Variants in KCNB2 observed in about 807,000 individuals in gnomAD.
KCNB2 encodes the protein delayed rectifier potassium channel protein.
In KCNB2, 15 loss-of-function variants were observed where a neutral mutation model predicts 61.5. The ratio of observed to expected loss-of-function variants is 0.24; its 90% CI spans 0.16 to 0.38. The LOEUF (loss-of-function observed/expected upper bound fraction) is 0.38. Ranked by LOEUF, KCNB2 falls within the 10% of genes least tolerant of loss-of-function variation. KCNB2 has a pLI of 1.00. For synonymous variants in KCNB2, 457 were observed against 446.0 expected, an observed-to-expected ratio of 1.02 and a Z score of -0.31; for missense variants, 828 against 1,125.2, an observed-to-expected ratio of 0.74 and a Z score of 3.78.
At chr8:72,807,281 G>A (rs1315407187) in intron 2 of KCNB2, among the ~76,000 whole-genome samples, 9 of 152,184 alleles carry the variant, frequency 5.9e-5, no homozygotes, top group Admixed American at 4.6e-4. Context: ...CTCTTGAGAT[G>A]AGCATATGAA....
chr8:72,862,026 G>C (rs914022303), intron 2 of KCNB2, among the ~76,000 whole-genome samples: 1 of 152,114 alleles, frequency 6.6e-6, no homozygotes, highest in East Asian at 1.9e-4. Context: ...GTAAAAATTA[G>C]CTAGGCATAG....
intron 2 of KCNB2, among the ~76,000 whole-genome samples, chr8:72,728,362 G>A (rs867238084): frequency 6.6e-6 from 1 of 152,106 alleles, no homozygotes; most frequent in Non-Finnish European, 1.5e-5. Flanking sequence ...GTCATACACG[G>A]CATTCCATCC....
At chr8:72,588,371 A>AC (rs1807033363) in intron 2 of KCNB2, among the ~76,000 whole-genome samples, 1 of 151,676 alleles carries the variant, frequency 6.6e-6, no homozygotes, top group Admixed American at 6.6e-5. Context: ...GTCATGCACC[A>AC]CCACGCCGGC....
intron 2 of KCNB2, among the ~76,000 whole-genome samples, chr8:72,602,935 C>G (rs1805376525): frequency 6.6e-6 from 1 of 151,748 alleles, no homozygotes; most frequent in Admixed American, 6.6e-5. Context: ...AACTTAGTTT[C>G]CTTTGAGGTT....
chr8:72,702,733 G>A (rs1254823140), intron 2 of KCNB2, among the ~76,000 whole-genome samples: 3 of 152,188 alleles, frequency 2.0e-5, no homozygotes, highest in African/African-American at 7.2e-5. Flanking sequence ...AAATGTTGTG[G>A]TTTGTTTAAG....
intron 2 of KCNB2, among the ~76,000 whole-genome samples, chr8:72,743,803 AAT>A (rs1385425291): frequency 6.6e-6 from 1 of 152,208 alleles, no homozygotes; most frequent in African/African-American, 2.4e-5. Flanking sequence ...TATACTTTAA[AAT>A]ATGTCAATCA....
At chr8:72,791,717 A>G (rs900375970) in intron 2 of KCNB2, among the ~76,000 whole-genome samples, 1 of 152,170 alleles carries the variant, frequency 6.6e-6, no homozygotes, top group Non-Finnish European at 1.5e-5. Context: ...CTCTTCATGA[A>G]ATGCCAACTG....
Position 72,812,222 on chromosome 8 carries a change from C to T in KCNB2, c.580-123713C>T, listed in dbSNP as rs1267926829. 2.0e-5 allele frequency among the ~76,000 whole-genome samples: 3 copies of T among 151,874 alleles called. No individual in the cohort carries two copies. The East Asian group carries it at 5.8e-4, about 29-fold the overall frequency. Reference sequence around the variant, plus strand: ...GGCGGAGGTTACAGTGAGCAGAGATCGCACCACTGCCCTCCAGCCTGGGCT... The same window carrying T: ...GGCGGAGGTTACAGTGAGCAGAGATTGCACCACTGCCCTCCAGCCTGGGCT... On this transcript the variant is annotated intron_variant, in intron 2 of 2. Coordinates refer to ENST00000523207, the MANE Select transcript of KCNB2 (RefSeq NM_004770.3).
At chr8:72,653,033 T>C (rs1459140291) in intron 2 of KCNB2, among the ~76,000 whole-genome samples, 1 of 152,268 alleles carries the variant, frequency 6.6e-6, no homozygotes, top group South Asian at 2.1e-4. Context: ...ATACCTCCAA[T>C]CTCTGCCTCT....
chr8:72,614,517 G>A (rs993672247), intron 2 of KCNB2, among the ~76,000 whole-genome samples: 1 of 152,170 alleles, frequency 6.6e-6, no homozygotes. Flanking sequence ...AAATGAGATC[G>A]CACAGTGAAA....
intron 1 of KCNB2, among the ~76,000 whole-genome samples, chr8:72,564,582 T>G (rs1043272116): frequency 3.9e-5 from 6 of 152,212 alleles, no homozygotes; most frequent in African/African-American, 1.4e-4. Flanking sequence ...TTGCCCCATC[T>G]CTAATATTTT....
chr8:72,724,276 T>A (rs1807597079), intron 2 of KCNB2, among the ~76,000 whole-genome samples: 1 of 152,236 alleles, frequency 6.6e-6, no homozygotes, highest in Non-Finnish European at 1.5e-5. Flanking sequence ...GGAAAATCAA[T>A]CTTTAAACAA....
chr8:72,715,737 T>C (rs978654134), intron 2 of KCNB2, among the ~76,000 whole-genome samples: 10 of 151,902 alleles, frequency 6.6e-5, no homozygotes, highest in African/African-American at 2.4e-4. Context: ...CATCCTAACA[T>C]CACAATTAAA....
chr8:72,882,283 G>A (rs1451130889), intron 2 of KCNB2, among the ~76,000 whole-genome samples: 1 of 152,100 alleles, frequency 6.6e-6, no homozygotes, highest in Non-Finnish European at 1.5e-5. Flanking sequence ...TCTGCAGTAA[G>A]CTGTTATAAA....
intron 2 of KCNB2, among the ~76,000 whole-genome samples, chr8:72,827,444 A>G (rs1809613998): frequency 6.6e-6 from 1 of 152,214 alleles, no homozygotes; most frequent in South Asian, 2.1e-4. Flanking sequence ...GACCTTTAAA[A>G]AAAAACTGAA....
At chr8:72,932,240 A>G (rs911181336) in intron 2 of KCNB2, among the ~76,000 whole-genome samples, 2 of 152,218 alleles carry the variant, frequency 1.3e-5, no homozygotes, top group Admixed American at 1.3e-4. Context: ...ACTCAAAATT[A>G]CAAAGTTTTC....
At chr8:72,633,243 A>C (rs969330921) in intron 2 of KCNB2, among the ~76,000 whole-genome samples, 1 of 152,054 alleles carries the variant, frequency 6.6e-6, no homozygotes, top group Non-Finnish European at 1.5e-5. Flanking sequence ...TTAAAGCTAC[A>C]TGACTCCTGC....
At chr8:72,655,028 A>G (rs1424143767) in intron 2 of KCNB2, among the ~76,000 whole-genome samples, 1 of 152,198 alleles carries the variant, frequency 6.6e-6, no homozygotes, top group African/African-American at 2.4e-5. Context: ...AATGATAGAC[A>G]AGACATGGAA....
chr8:72,865,290 C>T (rs1174634816), intron 2 of KCNB2, among the ~76,000 whole-genome samples: 1 of 152,064 alleles, frequency 6.6e-6, no homozygotes, highest in African/African-American at 2.4e-5. Flanking sequence ...ATTCTATTCC[C>T]TCCACCAGGA....
Sources: allele counts gnomAD v4.1 joint callset (sites outside exome capture counted in the v4.1 genomes callset), GRCh38; gene constraint gnomAD v4.1.1; transcripts MANE v1.5; gene names NCBI Gene and HGNC (gene_info 2026-07-23, HGNC 2026-07-21).